CFI: variants seen among roughly 807,000 people sequenced by gnomAD.
The protein encoded by CFI is complement factor I.
CFI carries 66 observed loss-of-function variants against 78.8 expected under a neutral mutation model. That is an observed-to-expected ratio of 0.84 (90% confidence interval 0.69 to 1.03). The LOEUF (loss-of-function observed/expected upper bound fraction) is 1.03. Ranked by LOEUF, CFI falls within the 50% of genes least tolerant of loss-of-function variation. The pLI is 0.00. For missense variants in CFI, 706 were observed against 704.5 expected (o/e 1.00, Z -0.02); for synonymous variants, 250 against 232.6 (o/e 1.07, Z -0.68).
At chr4:109,768,188 C>CG (rs1728031384) in intron 1 of CFI, among the ~76,000 whole-genome samples, 2 of 147,402 alleles carry the variant, frequency 1.4e-5, no homozygotes, top group African/African-American at 5.1e-5. Flanking sequence ...TGTTAAATGA[C>CG]GAGTTACTGG....
Position 109,749,593 on chromosome 4 carries a change from C to A in CFI, c.950G>T (p.Arg317Leu), listed in dbSNP as rs751111134. Residue 317 changes from arginine to leucine, a missense_variant, in exon 9 of 13, where the codon CGG (arginine) becomes CTG (leucine). By Grantham distance (102) the Arg-to-Leu change is moderately radical. Coordinates refer to ENST00000394634, the MANE Select transcript of CFI (RefSeq NM_000204.5). ...TAGTTTAGGTAATAATGATTTTATC[C>A]GTCTTCTTTCTTCAAGAAAGGAAGA... ...LTADMDAERR[R>L]IKSLLPKLSC... 4 of 1,591,932 alleles carry A rather than the reference C, an allele frequency of 2.5e-6. No individual in the cohort carries two copies. Among genetic ancestry groups the A allele is most frequent in the Non-Finnish European group, 3.4e-6 (4 of 1,160,044 alleles).
chr4:109,764,828 G>A, intron 2 of CFI, 138 bp from the exon 3 acceptor site: 1 of 799,900 alleles, frequency 1.3e-6, no homozygotes, highest in Non-Finnish European at 2.0e-6. Flanking sequence ...GTAATAGTAA[G>A]CAATCATTTT....
At chr4:109,765,027 C>T (rs1260559634) in intron 2 of CFI, among the ~76,000 whole-genome samples, 1 of 152,198 alleles carries the variant, frequency 6.6e-6, no homozygotes, top group African/African-American at 2.4e-5. Flanking sequence ...GATCTCACTC[C>T]AAAGTCCATG....
chr4:109,752,992 T>TTATATA lies in CFI; in HGVS notation c.905-490_905-489insTATATA, dbSNP rs1429973537. 1.2e-4 allele frequency among the ~76,000 whole-genome samples: 12 copies of TTATATA among 96,088 alleles called. 1 individual carries two copies. The highest frequency in any genetic ancestry group is 6.0e-4 in the South Asian group (2 of 3,348). The allele number at this position is 96,088 out of a possible 152,430, so 63.0% of individuals were successfully genotyped here. A position where few individuals can be genotyped will look rare whatever the true frequency, so the allele number is the denominator to read the frequency against. On this transcript the variant is annotated intron_variant, in intron 7 of 12. Transcript: ENST00000394634. ...TATTTATTATATGAATAAATATTTA[T>TTATATA]AATATATATTTATTATATATTTATT...
At chr4:109,746,165 C>T in intron 11 of CFI, 57 bp downstream of exon 11, 1 of 1,584,264 alleles carries the variant, frequency 6.3e-7, no homozygotes, top group Non-Finnish European at 8.7e-7. Context: ...CTATACATTT[C>T]TATTCTCTTT....
At chr4:109,792,962 G>T (rs147927373) in intron 1 of CFI, among the ~76,000 whole-genome samples, 1 of 152,142 alleles carries the variant, frequency 6.6e-6, no homozygotes, top group African/African-American at 2.4e-5. Context: ...TCCATTTAAA[G>T]TAATTGCTGA....
At chr4:109,766,485 T>C (rs928961274) in intron 2 of CFI, 69 bp downstream of exon 2, 5 of 1,560,624 alleles carry the variant, frequency 3.2e-6, no homozygotes, top group Non-Finnish European at 4.4e-6. Flanking sequence ...AATTATTTTC[T>C]GATAGAAAGT....
chr4:109,750,247 T>G (rs1724986430), intron 8 of CFI, among the ~76,000 whole-genome samples: 1 of 152,038 alleles, frequency 6.6e-6, no homozygotes, highest in African/African-American at 2.4e-5. Flanking sequence ...TCTGCCCACC[T>G]CAGCCTCCCA....
Position 109,760,277 on chromosome 4 carries a change from G to A in CFI, c.876C>T (p.Gly292=), listed in dbSNP as rs112585555. 1 of 1,612,298 alleles carries A rather than the reference G, an allele frequency of 6.2e-7. No individual in the cohort carries two copies. The highest frequency in any genetic ancestry group is 8.5e-7 in the Non-Finnish European group (1 of 1,178,326). The change falls in exon 6 of 13, where the codon GGC becomes GGT. Residue 292 remains glycine (G), a synonymous_variant. Coordinates refer to ENST00000394634, the MANE Select transcript of CFI (RefSeq NM_000204.5). ...CCCAAGTCTTTCAATTACCTGCACA[G>A]CCAACTTCATCTTCCCCTGTAATGC... ...VDCITGEDEV[G]CAGFASVTQE...
intron 1 of CFI, among the ~76,000 whole-genome samples, chr4:109,796,320 G>A (rs1043209857): frequency 2.0e-5 from 3 of 152,108 alleles, no homozygotes; most frequent in Non-Finnish European, 4.4e-5. Flanking sequence ...GAGAGATAAA[G>A]ACTTTCCCTA....
intron 1 of CFI, among the ~76,000 whole-genome samples, chr4:109,774,516 G>A (rs1189238891): frequency 6.6e-6 from 1 of 152,160 alleles, no homozygotes; most frequent in East Asian, 1.9e-4. Flanking sequence ...GGCCAGTGTG[G>A]GTGGATGGGA....
chr4:109,759,993 C>A (rs1271462806), intron 6 of CFI: 14 of 558,480 alleles, frequency 2.5e-5, no homozygotes, highest in Non-Finnish European at 4.6e-5. Flanking sequence ...CAATAACTTG[C>A]AGGTGGAAAA....
intron 1 of CFI, among the ~76,000 whole-genome samples, chr4:109,785,952 C>G (rs1191612330): frequency 6.6e-6 from 1 of 151,980 alleles, no homozygotes. Flanking sequence ...GTCAATTAAA[C>G]CTCTTTCCTT....
chr4:109,742,886 G>C (rs1196203362), intron 11 of CFI, among the ~76,000 whole-genome samples: 2 of 152,208 alleles, frequency 1.3e-5, no homozygotes, highest in East Asian at 1.9e-4. Context: ...GCAGAACTCA[G>C]TCAGGCAATT....
chr4:109,801,901 G>T lies in CFI; in HGVS notation c.57+14C>A, dbSNP rs764215891. On this transcript the variant is annotated intron_variant, in intron 1 of 12. Transcript: ENST00000394634. Reference sequence around the variant, plus strand: ...ATCAATTAAAATTGTTTGCATAAAGGTTGAATTACTTACCTTGCAAAACCT... The same window carrying T: ...ATCAATTAAAATTGTTTGCATAAAGTTTGAATTACTTACCTTGCAAAACCT... 3.2e-6 allele frequency: 5 copies of T among 1,569,936 alleles called. No individual in the cohort carries two copies. The highest frequency in any genetic ancestry group is 1.3e-5 in the African/African-American group (1 of 74,160).
intron 10 of CFI, among the ~76,000 whole-genome samples, chr4:109,747,158 C>T (rs78348944): frequency 1.7e-3 from 253 of 152,216 alleles, no homozygotes; most frequent in African/African-American, 5.8e-3. Context: ...TGCTTCACTA[C>T]ATTTTCATAT....
At chr4:109,756,365 G>A (rs894398972) in intron 7 of CFI, among the ~76,000 whole-genome samples, 3 of 140,768 alleles carry the variant, frequency 2.1e-5, no homozygotes, top group Non-Finnish European at 4.7e-5. Context: ...AGCAGGAGGA[G>A]GAGGAGGACG....
chr4:109,761,637 CAGTGGAATT>C lies in CFI; in HGVS notation c.529_537del (p.Asn177_Thr179del). Reference sequence around the variant, plus strand: ...CCTCGGCAATGCACATGTAGACATTCAGTGGAATTTATAGAGAGATCAGACAACTTAAAC... The same window carrying C: ...CCTCGGCAATGCACATGTAGACATTCTATAGAGAGATCAGACAACTTAAAC... On this transcript the variant is annotated inframe_deletion, in exon 4 of 13. Coordinates refer to ENST00000394634, the MANE Select transcript of CFI (RefSeq NM_000204.5). 1.2e-6 allele frequency: 2 copies of C among 1,613,802 alleles called. No homozygotes were observed. The highest frequency in any genetic ancestry group is 1.7e-6 in the Non-Finnish European group (2 of 1,179,732).
chr4:109,773,771 G>C (rs1254825140), intron 1 of CFI, among the ~76,000 whole-genome samples: 1 of 152,194 alleles, frequency 6.6e-6, no homozygotes, highest in Non-Finnish European at 1.5e-5. Flanking sequence ...AGGTATTCCT[G>C]ACTGTGGCCC....
Sources: allele counts gnomAD v4.1 joint callset (sites outside exome capture counted in the v4.1 genomes callset), GRCh38; gene constraint gnomAD v4.1.1; transcripts MANE v1.5; gene names NCBI Gene and HGNC (gene_info 2026-07-23, HGNC 2026-07-21).